SBF2: variants seen among roughly 807,000 people sequenced by gnomAD.
The protein encoded by SBF2 is myotubularin-related protein 13.
A neutral mutation model predicts 225.2 loss-of-function variants in SBF2; 112 were observed. The observed-to-expected ratio is 0.50, with a 90% CI of 0.43 to 0.58. The LOEUF (loss-of-function observed/expected upper bound fraction) is 0.58, where lower values mean the gene tolerates loss of function less well. SBF2 is among the 20% of genes least tolerant of loss of function. The probability of loss-of-function intolerance (pLI) is 0.00; values close to 1 mark genes in which losing one functional copy is unlikely to be tolerated. For missense variants in SBF2, 1,996 were observed against 2,206.2 expected (o/e 0.90, Z 1.91); for synonymous variants, 763 against 773.3 (o/e 0.99, Z 0.22).
chr11:9,899,745 G>A (rs1861569114), intron 16 of SBF2, among the ~76,000 whole-genome samples: 1 of 152,036 alleles, frequency 6.6e-6, no homozygotes, highest in Admixed American at 6.6e-5. Context: ...CATTTCTAAG[G>A]CATGGTTAGA....
At chr11:10,141,381 C>T (rs1954636220) in intron 2 of SBF2, among the ~76,000 whole-genome samples, 1 of 152,160 alleles carries the variant, frequency 6.6e-6, no homozygotes, top group South Asian at 2.1e-4. Context: ...GCTTTCTGTG[C>T]TTGCTGGTTT....
intron 38 of SBF2, among the ~76,000 whole-genome samples, chr11:9,782,819 G>A (rs1852104449): frequency 6.6e-6 from 1 of 150,724 alleles, no homozygotes; most frequent in South Asian, 2.1e-4. Flanking sequence ...GCAGTGAGCC[G>A]AGATTGCACC....
chr11:10,274,543 G>C (rs904744629), intron 1 of SBF2, among the ~76,000 whole-genome samples: 2 of 152,110 alleles, frequency 1.3e-5, no homozygotes, highest in Non-Finnish European at 2.9e-5. Context: ...CTGAGGTCAG[G>C]AGTTCAAGAC....
At chr11:9,816,022 G>A (rs1176395994) in intron 29 of SBF2, among the ~76,000 whole-genome samples, 10 of 152,178 alleles carry the variant, frequency 6.6e-5, no homozygotes, top group African/African-American at 1.9e-4. Context: ...TTCAGCCAGA[G>A]GTCTGTCTAG....
At chr11:10,143,175 GA>G (rs1954726966) in intron 2 of SBF2, among the ~76,000 whole-genome samples, 1 of 151,460 alleles carries the variant, frequency 6.6e-6, no homozygotes, top group African/African-American at 2.4e-5. Context: ...AGTCAATTAT[GA>G]TTTTTTTTTT....
chr11:9,908,591 C>T (rs796397973), intron 16 of SBF2, among the ~76,000 whole-genome samples: 67 of 152,192 alleles, frequency 4.4e-4, no homozygotes, highest in African/African-American at 1.5e-3. Context: ...CACGCTACTG[C>T]ACTCCAGCCT....
intron 1 of SBF2, among the ~76,000 whole-genome samples, chr11:10,239,586 A>G (rs951195993): frequency 9.5e-5 from 13 of 137,472 alleles, no homozygotes; most frequent in African/African-American, 3.1e-4. Context: ...TTTACTTTCA[A>G]GATCATAGAC....
rs184036824 is a variant in SBF2 at position 9,914,813 on chromosome 11, C to T, written c.1861-18802G>A. ...ATCTGTACAACACCAAGAATGAACC[C>T]TAATGTAAAATGCGCACTTTGGGTC... On this transcript the variant is annotated intron_variant, in intron 16 of 39. Coordinates refer to ENST00000256190, the MANE Select transcript of SBF2 (RefSeq NM_030962.4). Among the ~76,000 whole-genome samples, 363 of 150,130 alleles carry T rather than the reference C, an allele frequency of 2.4e-3. 4 individuals carry two copies. The highest frequency in any genetic ancestry group is 8.7e-3 in the African/African-American group (355 of 40,654).
intron 2 of SBF2, among the ~76,000 whole-genome samples, chr11:10,150,038 C>T (rs72860590): frequency 3.3e-5 from 5 of 152,076 alleles, no homozygotes; most frequent in East Asian, 1.9e-4. Context: ...AGAGGAAGTA[C>T]GTCTAACAGT....
At chr11:10,194,948 TAAG>T (rs1375001553) in intron 1 of SBF2, among the ~76,000 whole-genome samples, 3 of 152,216 alleles carry the variant, frequency 2.0e-5, no homozygotes, top group African/African-American at 7.2e-5. Context: ...AATTGAAATT[TAAG>T]AAGAACTTTT....
At chr11:10,186,268 C>T (rs1056488786) in intron 2 of SBF2, among the ~76,000 whole-genome samples, 2 of 152,144 alleles carry the variant, frequency 1.3e-5, no homozygotes, top group African/African-American at 2.4e-5. Flanking sequence ...GCAAGCACAG[C>T]GGCTCATGCC....
At chr11:10,226,561 T>C (rs1172103997) in intron 1 of SBF2, among the ~76,000 whole-genome samples, 4 of 147,950 alleles carry the variant, frequency 2.7e-5, no homozygotes, top group Non-Finnish European at 3.0e-5. Context: ...TTCCCACCTA[T>C]GAGTGAGAAC....
Position 10,201,549 on chromosome 11 carries a change from C to T in SBF2, c.56-7562G>A, listed in dbSNP as rs150766321. Among the ~76,000 whole-genome samples, 10 of 152,236 alleles carry T rather than the reference C, an allele frequency of 6.6e-5. 1 individual carries two copies. Among genetic ancestry groups the T allele is most frequent in the East Asian group, 5.8e-4 (3 of 5,190 alleles). On this transcript the variant is annotated intron_variant, in intron 1 of 39. Transcript: ENST00000256190. ...GTCTGTTTGTTTCAACTGACATAAG[C>T]CTTTTTTGTGGTTATTTAAAAATTT...
In SBF2 at chr11:10,029,869, G is replaced by A. The variant is rs200954150; in HGVS notation, c.409C>T (p.Leu137=). ...ACATACACGGTATAGATCAAACCCA[G>A]GCAAGCCTGCAAAAAGATAAATACA... ...LYYPEIFRAC[L]GLIYTVYVDS... Residue 137 remains leucine, a synonymous_variant, in exon 5 of 40, where the codon CTG becomes TTG. Transcript: ENST00000256190. 5.6e-6 allele frequency: 9 copies of A among 1,607,148 alleles called. No individual in the cohort carries two copies. In the East Asian group the frequency reaches 2.0e-4, roughly 36 times the overall value.
intron 1 of SBF2, among the ~76,000 whole-genome samples, chr11:10,247,063 T>G (rs546149068): frequency 2.0e-5 from 3 of 152,062 alleles, no homozygotes; most frequent in Admixed American, 6.5e-5. Flanking sequence ...CTAGGTGACA[T>G]AAATAAGACC....
At chr11:10,058,935 G>A (rs747419853) in intron 2 of SBF2, among the ~76,000 whole-genome samples, 16 of 152,116 alleles carry the variant, frequency 1.1e-4, no homozygotes, top group Admixed American at 2.0e-4. Flanking sequence ...GGAGAAATAC[G>A]ATCCTTTTCA....
At chr11:10,019,756 A>C (rs1027814682) in intron 6 of SBF2, among the ~76,000 whole-genome samples, 37 of 152,296 alleles carry the variant, frequency 2.4e-4, no homozygotes, top group Middle Eastern at 3.4e-3. Context: ...ACTAAGACAG[A>C]AACATGATCT....
chr11:10,185,028 A>G (rs558833399), intron 2 of SBF2, among the ~76,000 whole-genome samples: 1 of 148,074 alleles, frequency 6.8e-6, no homozygotes, highest in Admixed American at 6.7e-5. Context: ...TTCAGGTTGA[A>G]CCTTGCATAA....
chr11:10,169,982 T>C (rs1591119126), intron 2 of SBF2, among the ~76,000 whole-genome samples: 1 of 152,334 alleles, frequency 6.6e-6, no homozygotes, highest in East Asian at 1.9e-4. Context: ...ATGTCTTCCT[T>C]TGAGAAATGT....
Sources: allele counts gnomAD v4.1 joint callset (sites outside exome capture counted in the v4.1 genomes callset), GRCh38; gene constraint gnomAD v4.1.1; transcripts MANE v1.5; gene names NCBI Gene and HGNC (gene_info 2026-07-23, HGNC 2026-07-21).